Variants in EXT1 observed in about 807,000 individuals in gnomAD.
EXT1 encodes the protein exostosin glycosyltransferase 1, also known as exostosin-1.
In EXT1, 20 loss-of-function variants were observed where a neutral mutation model predicts 82.5. The observed-to-expected ratio is 0.24, with a 90% confidence interval of 0.17 to 0.35. EXT1 has a LOEUF of 0.35. EXT1 is among the 10% of genes least tolerant of loss of function. The pLI, the probability that EXT1 is intolerant of heterozygous loss-of-function variation, is 1.00. For missense variants in EXT1, 757 were observed against 936.5 expected (o/e 0.81, Z 2.50); for synonymous variants, 348 against 350.8 (o/e 0.99, Z 0.09).
chr8:118,066,254 G>T (rs1179514478), intron 1 of EXT1, among the ~76,000 whole-genome samples: 1 of 152,002 alleles, frequency 6.6e-6, no homozygotes. Context: ...CCTTCATGAT[G>T]ATCCACTTGC....
intron 1 of EXT1, among the ~76,000 whole-genome samples, chr8:117,892,931 A>G (rs2084181443): frequency 6.6e-6 from 1 of 152,254 alleles, no homozygotes; most frequent in African/African-American, 2.4e-5. Flanking sequence ...CTGCAGAAGC[A>G]ACATATTGGG....
At chr8:117,968,849 G>GT (rs1278859305) in intron 1 of EXT1, among the ~76,000 whole-genome samples, 1 of 64,438 alleles carries the variant, frequency 1.6e-5, no homozygotes, top group Admixed American at 1.6e-4. Context: ...GATTACAGGC[G>GT]TGAGCCACTG....
intron 1 of EXT1, among the ~76,000 whole-genome samples, chr8:117,936,266 G>A (rs545439015): frequency 3.0e-4 from 45 of 150,854 alleles, no homozygotes; most frequent in African/African-American, 1.1e-3. Flanking sequence ...AACAGCCTGT[G>A]GATCTATACT....
intron 1 of EXT1, among the ~76,000 whole-genome samples, chr8:117,920,875 TG>T (rs1813842177): frequency 6.6e-6 from 1 of 152,128 alleles, no homozygotes; most frequent in Non-Finnish European, 1.5e-5. Context: ...AACAGAGCCT[TG>T]GGTGCCACCA....
chr8:117,921,027 G>T (rs1030855198), intron 1 of EXT1, among the ~76,000 whole-genome samples: 3 of 152,206 alleles, frequency 2.0e-5, no homozygotes, highest in Admixed American at 6.5e-5. Flanking sequence ...CACCATCACA[G>T]GTCATCCTTT....
chr8:118,009,084 T>G (rs1815841997), intron 1 of EXT1, among the ~76,000 whole-genome samples: 1 of 152,156 alleles, frequency 6.6e-6, no homozygotes, highest in South Asian at 2.1e-4. Context: ...ACATGGGAAA[T>G]GAAGCAGCCA....
chr8:117,895,166 A>G (rs1466453013), intron 1 of EXT1, among the ~76,000 whole-genome samples: 1 of 152,128 alleles, frequency 6.6e-6, no homozygotes, highest in East Asian at 1.9e-4. Flanking sequence ...GAGTGATTTG[A>G]TAACATCTGG....
intron 1 of EXT1, among the ~76,000 whole-genome samples, chr8:117,880,214 G>C (rs1813036806): frequency 6.6e-6 from 1 of 151,576 alleles, no homozygotes; most frequent in African/African-American, 2.4e-5. Context: ...CTGCTTACCA[G>C]TTCTAGATTC....
intron 1 of EXT1, among the ~76,000 whole-genome samples, chr8:117,921,068 ATTCCT>A (rs1355235933): frequency 6.6e-6 from 1 of 152,180 alleles, no homozygotes; most frequent in African/African-American, 2.4e-5. Context: ...TGGTTTTTAT[ATTCCT>A]TTCTCTGTTT....
chr8:117,944,816 A>G (rs984218629), intron 1 of EXT1, among the ~76,000 whole-genome samples: 1 of 152,230 alleles, frequency 6.6e-6, no homozygotes, highest in African/African-American at 2.4e-5. Flanking sequence ...TGAAAATAAT[A>G]TCACCATTTC....
chr8:117,953,949 G>A (rs557527253), intron 1 of EXT1, among the ~76,000 whole-genome samples: 5 of 151,768 alleles, frequency 3.3e-5, no homozygotes, highest in Non-Finnish European at 5.9e-5. Context: ...TAAAAAAACT[G>A]TTATTTACCG....
intron 8 of EXT1, among the ~76,000 whole-genome samples, chr8:117,809,673 G>C (rs1177432180): frequency 6.6e-6 from 1 of 151,888 alleles, no homozygotes; most frequent in Admixed American, 6.6e-5. Flanking sequence ...AAAAAACCCG[G>C]GTGGTGGAAC....
intron 1 of EXT1, among the ~76,000 whole-genome samples, chr8:117,843,908 T>C (rs1812312026): frequency 6.6e-6 from 1 of 152,060 alleles, no homozygotes. Context: ...ACATGCAGTG[T>C]CTAAAACTGA....
At chr8:117,833,449 T>C (rs1587002730) in intron 3 of EXT1, among the ~76,000 whole-genome samples, 1 of 152,112 alleles carries the variant, frequency 6.6e-6, no homozygotes, top group African/African-American at 2.4e-5. Flanking sequence ...ACACCATCTC[T>C]ACTAAAAATA....
At chr8:117,873,447 C>CTTTTTTTTTTTTTTTTTTTTTTTTT (rs1184985472) in intron 1 of EXT1, among the ~76,000 whole-genome samples, 1 of 99,706 alleles carries the variant, frequency 1.0e-5, no homozygotes, top group African/African-American at 4.1e-5. Flanking sequence ...TGTCCTGTGA[C>CTTTTTTTTTTTTTTTTTTTTTTTTT]TTTTTTTTTT....
intron 1 of EXT1, among the ~76,000 whole-genome samples, chr8:118,101,815 T>C (rs567723292): frequency 5.8e-4 from 88 of 152,318 alleles, no homozygotes; most frequent in Non-Finnish European, 1.1e-3. Context: ...AAAACAGCTA[T>C]AGCCCAGAAT....
chr8:117,890,532 G>C (rs1274268051), intron 1 of EXT1, among the ~76,000 whole-genome samples: 1 of 152,206 alleles, frequency 6.6e-6, no homozygotes, highest in African/African-American at 2.4e-5. Context: ...TAAACTCATA[G>C]TAGGCAGGGC....
At chr8:117,906,647 T>C (rs1813549267) in intron 1 of EXT1, among the ~76,000 whole-genome samples, 1 of 152,204 alleles carries the variant, frequency 6.6e-6, no homozygotes. Context: ...ACCCTGTATC[T>C]TAAACTTCTA....
chr8:118,068,976 C>G (rs1189750698), intron 1 of EXT1, among the ~76,000 whole-genome samples: 2 of 152,166 alleles, frequency 1.3e-5, no homozygotes, highest in East Asian at 1.9e-4. Context: ...ATCACGTGAA[C>G]AAGCTAATCT....
Sources: allele counts gnomAD v4.1 joint callset (sites outside exome capture counted in the v4.1 genomes callset), GRCh38; gene constraint gnomAD v4.1.1; transcripts MANE v1.5; gene names NCBI Gene and HGNC (gene_info 2026-07-23, HGNC 2026-07-21).